The following CDK6 variants were observed in gnomAD, a reference collection of about 807,000 sequenced individuals.
The protein encoded by CDK6 is cyclin dependent kinase 6.
In CDK6, 6 loss-of-function variants were observed where a neutral mutation model predicts 37.1. The observed-to-expected ratio is 0.16, with a 90% CI of 0.09 to 0.32. The LOEUF (loss-of-function observed/expected upper bound fraction) is 0.32. CDK6 is among the 10% of genes least tolerant of loss of function. The probability of loss-of-function intolerance (pLI) is 1.00; values close to 1 mark genes in which losing one functional copy is unlikely to be tolerated. For synonymous variants in CDK6, 160 were observed against 161.3 expected, an observed-to-expected ratio of 0.99 and a Z score of 0.06; for missense variants, 224 against 418.9, an observed-to-expected ratio of 0.53 and a Z score of 4.06.
chr7:92,640,733 T>A (rs370021836), intron 5 of CDK6, among the ~76,000 whole-genome samples: 1 of 152,162 alleles, frequency 6.6e-6, no homozygotes, highest in South Asian at 2.1e-4. Context: ...GAAAATAAAG[T>A]AGAAAAATCT....
intron 2 of CDK6, among the ~76,000 whole-genome samples, chr7:92,826,628 A>G (rs542825437): frequency 6.6e-6 from 1 of 152,300 alleles, no homozygotes; most frequent in South Asian, 2.1e-4. Flanking sequence ...ATATCCTGTC[A>G]AAGCCAAAGC....
intron 2 of CDK6, among the ~76,000 whole-genome samples, chr7:92,789,644 T>C (rs1041943081): frequency 3.3e-5 from 5 of 152,222 alleles, no homozygotes; most frequent in Admixed American, 1.3e-4. Context: ...AAATTCTTTG[T>C]TTTGAAACTG....
intron 2 of CDK6, among the ~76,000 whole-genome samples, chr7:92,822,219 T>C (rs1331017759): frequency 6.6e-6 from 1 of 152,120 alleles, no homozygotes; most frequent in African/African-American, 2.4e-5. Flanking sequence ...AAAATATCAA[T>C]ATTATTGGCA....
At chr7:92,789,844 T>C (rs900315329) in intron 2 of CDK6, among the ~76,000 whole-genome samples, 3 of 152,326 alleles carry the variant, frequency 2.0e-5, no homozygotes, top group South Asian at 4.1e-4. Flanking sequence ...TCAAGCATCA[T>C]AGAACAGAGA....
At chr7:92,765,652 CAT>C (rs1173187067) in intron 3 of CDK6, among the ~76,000 whole-genome samples, 1 of 152,154 alleles carries the variant, frequency 6.6e-6, no homozygotes, top group African/African-American at 2.4e-5. Flanking sequence ...GTTACAAACA[CAT>C]GTTTACTGAG....
intron 5 of CDK6, among the ~76,000 whole-genome samples, chr7:92,654,743 C>T (rs577269565): frequency 2.0e-5 from 3 of 152,162 alleles, no homozygotes; most frequent in South Asian, 4.1e-4. Flanking sequence ...TTTTCTGAAC[C>T]GAAGTCAACC....
rs771403567 is a variant in CDK6 at position 92,609,316 on chromosome 7, T to C, written c.*5824A>G. 6.5e-5 allele frequency: 15 copies of C among 232,422 alleles called. No individual in the cohort carries two copies. The highest frequency in any genetic ancestry group is 1.3e-4 in the Non-Finnish European group (15 of 117,592). The allele number at this position is 232,422 out of a possible 1,614,324, so 14.4% of individuals were successfully genotyped here. On this transcript the variant is annotated 3_prime_UTR_variant, in exon 8 of 8. Coordinates refer to ENST00000424848, the MANE Select transcript of CDK6 (RefSeq NM_001145306.2). Reference sequence around the variant, plus strand: ...AAAATTAACTTAATCATTTGGGGTATAAGAAGTCTTTAAGTAGACTTGTAA... The same window carrying C: ...AAAATTAACTTAATCATTTGGGGTACAAGAAGTCTTTAAGTAGACTTGTAA...
chr7:92,693,310 G>A (rs1165959932), intron 4 of CDK6, among the ~76,000 whole-genome samples: 2 of 152,148 alleles, frequency 1.3e-5, no homozygotes, highest in Non-Finnish European at 2.9e-5. Context: ...GATATGGGCT[G>A]AGTTCACAGA....
At chr7:92,782,455 C>T (rs1455328278) in intron 2 of CDK6, among the ~76,000 whole-genome samples, 5 of 152,130 alleles carry the variant, frequency 3.3e-5, no homozygotes, top group African/African-American at 1.2e-4. Flanking sequence ...GTGAACAACC[C>T]TGGATTGAGT....
At chr7:92,672,176 C>CAG (rs1797093068) in intron 4 of CDK6, among the ~76,000 whole-genome samples, 2 of 104,066 alleles carry the variant, frequency 1.9e-5, no homozygotes, top group Non-Finnish European at 3.7e-5. Context: ...TACACACACA[C>CAG]ACACACAGAC....
intron 4 of CDK6, among the ~76,000 whole-genome samples, chr7:92,682,793 A>C (rs1797366761): frequency 6.6e-6 from 1 of 152,200 alleles, no homozygotes; most frequent in Non-Finnish European, 1.5e-5. Context: ...GCATTCTGAG[A>C]GTCCACCAAC....
chr7:92,616,541 C>T lies in CDK6; in HGVS notation c.835-1255G>A, dbSNP rs182048441. Among the ~76,000 whole-genome samples the T allele has an allele frequency of 6.3e-4, 96 of 152,280 alleles. 1 individual carries two copies. Among genetic ancestry groups the T allele is most frequent in the Non-Finnish European group, 2.6e-4 (18 of 68,020 alleles). ...GTAGAAAGGTTCCAACTGTCTCTAA[C>T]AGCAAGAAACATCTCTAGAAAAGCT... On this transcript the variant is annotated intron_variant, in intron 7 of 7. Coordinates refer to ENST00000424848, the MANE Select transcript of CDK6 (RefSeq NM_001145306.2).
chr7:92,675,477 T>C (rs1797182525), intron 4 of CDK6, among the ~76,000 whole-genome samples: 1 of 152,234 alleles, frequency 6.6e-6, no homozygotes, highest in African/African-American at 2.4e-5. Flanking sequence ...TCATTTCTGA[T>C]TGTGTATTAT....
At chr7:92,684,820 A>G (rs1378838790) in intron 4 of CDK6, among the ~76,000 whole-genome samples, 3 of 152,180 alleles carry the variant, frequency 2.0e-5, no homozygotes, top group African/African-American at 7.2e-5. Flanking sequence ...CCTAAATACT[A>G]TGACCCACCA....
intron 3 of CDK6, among the ~76,000 whole-genome samples, chr7:92,762,453 C>T (rs1279921515): frequency 1.3e-5 from 2 of 152,032 alleles, no homozygotes; most frequent in Non-Finnish European, 2.9e-5. Context: ...TTCAAGTCTT[C>T]AGCTATGAGT....
intron 4 of CDK6, among the ~76,000 whole-genome samples, chr7:92,685,002 C>T (rs1419089865): frequency 1.3e-5 from 2 of 152,094 alleles, no homozygotes; most frequent in African/African-American, 4.8e-5. Flanking sequence ...TGTGTCCTAG[C>T]CCTTTATTTA....
At chr7:92,731,365 T>C (rs1585437570) in intron 3 of CDK6, among the ~76,000 whole-genome samples, 1 of 152,198 alleles carries the variant, frequency 6.6e-6, no homozygotes, top group East Asian at 1.9e-4. Context: ...AAAACTTCCA[T>C]ATCACCTGGA....
At chr7:92,695,283 A>G (rs781223565) in intron 4 of CDK6, among the ~76,000 whole-genome samples, 18 of 121,958 alleles carry the variant, frequency 1.5e-4, no homozygotes, top group Non-Finnish European at 2.6e-4. Flanking sequence ...AAAAAAAAAA[A>G]AAGAAAGAAA....
chr7:92,833,536 C>T lies in CDK6; in HGVS notation c.-213G>A. On this transcript the variant is annotated 5_prime_UTR_variant, in exon 2 of 8. Transcript: ENST00000424848. This position sits in a 1 kb window ranked among gnomAD's most constrained non-coding sequence, Gnocchi z 6.1. ...CCGCGGGGCTGGCGTAACCCTGGTG[C>T]CGCCGCCGCGAAACTCCGCCTGCAG... 1.8e-6 allele frequency: 1 copy of T among 544,912 alleles called. No individual in the cohort carries two copies. The highest frequency in any genetic ancestry group is 3.2e-6 in the Non-Finnish European group (1 of 314,098). 33.8% of individuals were successfully genotyped at this position (544,912 alleles called of 1,614,324 possible).
Sources: allele counts gnomAD v4.1 joint callset (sites outside exome capture counted in the v4.1 genomes callset), GRCh38; gene constraint gnomAD v4.1.1; non-coding constraint Gnocchi (gnomAD v3.1); transcripts MANE v1.5; gene names NCBI Gene and HGNC (gene_info 2026-07-23, HGNC 2026-07-21).